TYW1: variants seen among roughly 807,000 people sequenced by gnomAD.
The protein encoded by TYW1 is tRNA-yW synthesizing protein 1 homolog.
TYW1 carries 46 observed loss-of-function variants against 96.2 expected under a neutral mutation model. The observed-to-expected ratio is 0.48, with a 90% confidence interval of 0.38 to 0.61. The LOEUF (loss-of-function observed/expected upper bound fraction) is 0.61. Among genes scored for constraint, TYW1 ranks in the 20% least tolerant of loss-of-function variants. TYW1 has a pLI of 0.00. For synonymous variants in TYW1, 274 were observed against 323.0 expected, an observed-to-expected ratio of 0.85 and a Z score of 1.63; for missense variants, 684 against 909.6, an observed-to-expected ratio of 0.75 and a Z score of 3.19.
At position 66,998,867 on chromosome 7, in the gene TYW1, G is replaced by A. The variant is rs754961909; in HGVS notation, c.186G>A (p.Met62Ile). The A allele has an allele frequency of 3.7e-6, 6 of 1,614,052 alleles. No individual in the cohort carries two copies. Among genetic ancestry groups the A allele is most frequent in the Admixed American group, 1.7e-5 (1 of 59,994 alleles). Residue 62 changes from methionine to isoleucine, a missense_variant, in exon 3 of 16, where the codon ATG becomes ATA. Physicochemically the swap from Met to Ile is conservative, Grantham distance 10 (BLOSUM62 1). Transcript: ENST00000359626. ...TTCCAAAAGCAGCTCAGGATTTGAT[G>A]ACAAATGGTTATGTCTCCCTTCAAG... Reference protein sequence around the residue: ...KSVPKAAQDLMTNGYVSLQEK... With the variant: ...KSVPKAAQDLITNGYVSLQEK...
intron 13 of TYW1, among the ~76,000 whole-genome samples, chr7:67,162,509 G>T (rs1799193213): frequency 6.6e-6 from 1 of 152,034 alleles, no homozygotes; most frequent in Admixed American, 6.6e-5. Context: ...TATAGTTTGG[G>T]GCTGCCCTAT....
At chr7:67,176,381 T>G (rs1799670756) in intron 13 of TYW1, among the ~76,000 whole-genome samples, 1 of 152,206 alleles carries the variant, frequency 6.6e-6, no homozygotes, top group Non-Finnish European at 1.5e-5. Context: ...ATTGAGTACT[T>G]GAAACGTGGC....
chr7:67,195,379 T>C lies in TYW1; in HGVS notation c.1977+42T>C, dbSNP rs181617873. ...CATGGATTCTTCTGTTCCCCGACCCTGCTGTTCTTTCCTTCTCTTCTCTCT... is the reference window on the plus strand; with the variant it reads ...CATGGATTCTTCTGTTCCCCGACCCCGCTGTTCTTTCCTTCTCTTCTCTCT... On this transcript the variant is annotated intron_variant, in intron 15 of 15. Coordinates refer to ENST00000359626, the MANE Select transcript of TYW1 (RefSeq NM_018264.4). 610 of 1,605,680 alleles carry C rather than the reference T, an allele frequency of 3.8e-4. 3 individuals are homozygous for C. In the African/African-American group the frequency reaches 7.0e-3, roughly 19 times the overall value.
chr7:67,001,743 A>G (rs7796575), intron 3 of TYW1, among the ~76,000 whole-genome samples: 46,397 of 150,602 alleles, frequency 0.31, 7,086 homozygotes, highest in Middle Eastern at 0.37. Flanking sequence ...TTTAAGAGAC[A>G]AGGTCTTGGC....
intron 14 of TYW1, among the ~76,000 whole-genome samples, chr7:67,192,164 G>GGGATTAC (rs1800239805): frequency 6.6e-6 from 1 of 152,088 alleles, no homozygotes. Context: ...CCAAAGAGCT[G>GGGATTAC]GGATTACAGG....
chr7:67,132,167 CA>C (rs61190605), intron 13 of TYW1, among the ~76,000 whole-genome samples: 31,146 of 135,408 alleles, frequency 0.23, 4,442 homozygotes, highest in African/African-American at 0.38. Context: ...TGGAGTGCCA[CA>C]AGTATGATCA....
intron 14 of TYW1, among the ~76,000 whole-genome samples, chr7:67,185,218 T>C (rs1353795945): frequency 2.0e-5 from 3 of 151,874 alleles, no homozygotes; most frequent in Non-Finnish European, 4.4e-5. Flanking sequence ...GATTTTAAAC[T>C]AAGTTTGATG....
chr7:67,072,902 C>T (rs1796071606), intron 10 of TYW1, among the ~76,000 whole-genome samples: 1 of 149,390 alleles, frequency 6.7e-6, no homozygotes, highest in Non-Finnish European at 1.5e-5. Context: ...TGAGTAACTC[C>T]AGCTACAGGC....
Position 67,205,942 on chromosome 7 carries a change from T to A in TYW1, c.1977+10605T>A, listed in dbSNP as rs376390440. On this transcript the variant is annotated intron_variant, in intron 15 of 15. Transcript: ENST00000359626. The stretch of plus-strand genomic sequence containing the variant: ...CAAGGCCCCTAGCCAGTGTGCCTTC[T>A]TATCTCTACCTTTGAGAATCTTTTT... Among the ~76,000 whole-genome samples, 277 of 152,372 alleles carry A rather than the reference T, an allele frequency of 1.8e-3. 9 individuals are homozygous for A. The South Asian group carries it at 0.056, about 31-fold the overall frequency.
rs757443876 is a variant in TYW1, at chr7:67,024,942, G to A, written c.904G>A (p.Gly302Ser). 1.2e-6 allele frequency: 2 copies of A among 1,613,872 alleles called. No individual in the cohort carries two copies. Among genetic ancestry groups the A allele is most frequent in the South Asian group, 1.1e-5 (1 of 91,070 alleles). Reference protein sequence around the residue: ...FESSSEEEFGGEDHQSLNSIV... With the variant: ...FESSSEEEFGSEDHQSLNSIV... ...GAGCTCCAGTGAAGAAGAGTTTGGT[G>A]GTGAGGACCATCAGAGCCTAAATTC... The change falls in exon 7 of 16, where the codon GGT becomes AGT. Residue 302 changes from glycine (G) to serine (S), a missense_variant. Gly to Ser is a moderately conservative substitution (Grantham distance 56, BLOSUM62 0). Coordinates refer to ENST00000359626, the MANE Select transcript of TYW1 (RefSeq NM_018264.4).
chr7:67,096,301 A>G (rs1367698169), intron 11 of TYW1, among the ~76,000 whole-genome samples: 1 of 152,178 alleles, frequency 6.6e-6, no homozygotes, highest in Non-Finnish European at 1.5e-5. Context: ...GAGGCAGGAG[A>G]ATGGCTTGAA....
chr7:67,142,591 C>A (rs1798482116), intron 13 of TYW1, among the ~76,000 whole-genome samples: 1 of 151,942 alleles, frequency 6.6e-6, no homozygotes, highest in South Asian at 2.1e-4. Flanking sequence ...ACCATGCCAC[C>A]ATGCCTGGCT....
chr7:67,160,338 G>T (rs1051635229), intron 13 of TYW1, among the ~76,000 whole-genome samples: 1 of 152,086 alleles, frequency 6.6e-6, no homozygotes, highest in African/African-American at 2.4e-5. Flanking sequence ...TGTTACATGT[G>T]TCTATTGTTG....
intron 8 of TYW1, among the ~76,000 whole-genome samples, chr7:67,054,800 A>G (rs1795458528): frequency 6.6e-6 from 1 of 152,252 alleles, no homozygotes; most frequent in Non-Finnish European, 1.5e-5. Flanking sequence ...TTCTGAAATC[A>G]GAATGTACTA....
intron 12 of TYW1, among the ~76,000 whole-genome samples, chr7:67,107,874 C>CT (rs1027528139): frequency 0.14 from 16,637 of 121,444 alleles, 1,280 homozygotes; most frequent in African/African-American, 0.2. Flanking sequence ...CCAAGATGGA[C>CT]TTTTTTTTTT....
At chr7:67,144,713 G>C (rs1013530429) in intron 13 of TYW1, among the ~76,000 whole-genome samples, 5 of 152,118 alleles carry the variant, frequency 3.3e-5, no homozygotes, top group African/African-American at 1.2e-4. Context: ...GAAGCTATCT[G>C]CCCGGGTTGG....
At chr7:67,081,923 T>C (rs1796405346) in intron 10 of TYW1, among the ~76,000 whole-genome samples, 1 of 148,520 alleles carries the variant, frequency 6.7e-6, no homozygotes, top group South Asian at 2.2e-4. Context: ...CTGAGTTGTA[T>C]TTATTTCATT....
intron 15 of TYW1, among the ~76,000 whole-genome samples, chr7:67,232,415 C>T (rs11771408): frequency 0.27 from 40,115 of 151,054 alleles, 5,652 homozygotes; most frequent in African/African-American, 0.36. Flanking sequence ...TGGTGCACAC[C>T]TGTAATCCCA....
At chr7:67,139,802 G>A (rs1401167542) in intron 13 of TYW1, among the ~76,000 whole-genome samples, 3 of 149,820 alleles carry the variant, frequency 2.0e-5, no homozygotes, top group African/African-American at 7.4e-5. Context: ...TCCTCAAACT[G>A]TAATGATCAC....
Sources: gnomAD v4.1 joint callset for allele counts (sites outside exome capture counted in the v4.1 genomes callset) on GRCh38, gnomAD v4.1.1 for gene constraint, MANE v1.5 for transcripts, NCBI Gene and HGNC (gene_info 2026-07-23, HGNC 2026-07-21) for gene names.